The following EYS variants were observed in gnomAD, a reference collection of about 807,000 sequenced individuals.
EYS encodes the protein EGF-like photoreceptor maintenance factor.
In EYS, 250 loss-of-function variants were observed where a neutral mutation model predicts 282.1. The ratio of observed to expected loss-of-function variants is 0.89; its 90% confidence interval spans 0.80 to 0.98. The LOEUF (loss-of-function observed/expected upper bound fraction) is 0.98. Ranked by LOEUF, EYS falls within the 50% of genes least tolerant of loss-of-function variation. The pLI is 0.00. For missense variants in EYS, 4,016 were observed against 3,709.0 expected (o/e 1.08, Z -2.15); for synonymous variants, 1,355 against 1,282.9 (o/e 1.06, Z -1.20).
chr6:64,442,647 A>ATGTTCCAGC (rs1301366851), intron 26 of EYS, among the ~76,000 whole-genome samples: 3 of 152,072 alleles, frequency 2.0e-5, no homozygotes, highest in Non-Finnish European at 4.4e-5. Context: ...TTGATGTCCT[A>ATGTTCCAGC]TGTTCCAGCT....
intron 11 of EYS, among the ~76,000 whole-genome samples, chr6:65,312,350 T>G (rs1182839294): frequency 6.6e-6 from 1 of 151,942 alleles, no homozygotes; most frequent in African/African-American, 2.4e-5. Flanking sequence ...GCTCCCAAGG[T>G]TTCTGTCATC....
chr6:65,616,320 ACT>A (rs1434986098), intron 2 of EYS, among the ~76,000 whole-genome samples: 3 of 152,050 alleles, frequency 2.0e-5, no homozygotes, highest in African/African-American at 7.2e-5. Flanking sequence ...TTATTTGTTC[ACT>A]CTCTAGAAAT....
At chr6:64,387,981 A>G (rs567480494) in intron 29 of EYS, among the ~76,000 whole-genome samples, 18 of 152,120 alleles carry the variant, frequency 1.2e-4, no homozygotes, top group Admixed American at 2.0e-4. Flanking sequence ...TATATTTCCA[A>G]TAATATAAAA....
At chr6:65,420,041 A>T (rs1767395448) in intron 5 of EYS, among the ~76,000 whole-genome samples, 1 of 151,992 alleles carries the variant, frequency 6.6e-6, no homozygotes, top group African/African-American at 2.4e-5. Context: ...TTGCTGATGG[A>T]ATTCTTTCCT....
intron 15 of EYS, among the ~76,000 whole-genome samples, chr6:64,915,420 T>C (rs1465753853): frequency 6.6e-6 from 1 of 152,182 alleles, no homozygotes; most frequent in Admixed American, 6.5e-5. Flanking sequence ...AGGTCCTCAG[T>C]GTTGAAACAG....
intron 26 of EYS, among the ~76,000 whole-genome samples, chr6:64,544,459 G>C (rs759481238): frequency 1.6e-4 from 24 of 152,156 alleles, no homozygotes; most frequent in Non-Finnish European, 3.2e-4. Flanking sequence ...AGACTGGAGA[G>C]AGAAAGGAAA....
At position 64,230,802 on chromosome 6, in the gene EYS, G is replaced by C. The variant is rs1766405253; in HGVS notation, c.6214C>G (p.Pro2072Ala). The C allele has an allele frequency of 6.5e-7, 1 of 1,549,284 alleles. No homozygotes were observed. Among genetic ancestry groups the C allele is most frequent in the Non-Finnish European group, 8.7e-7 (1 of 1,145,150 alleles). Residue 2072 changes from proline (P) to alanine (A), a missense_variant, in exon 31 of 43, where the codon CCA (proline) becomes GCA (alanine). By Grantham distance (27) the Pro-to-Ala change is conservative (BLOSUM62 -1). Coordinates refer to ENST00000503581, the MANE Select transcript of EYS (RefSeq NM_001142800.2). ...GAAGCATCAACAAAGGAGGCTGTTG[G>C]AGACAGCATAAATCCCTGGGATCTG... is the stretch of plus-strand genomic sequence containing the variant. ...NCRSQGFMLSPTASFVDASDV... is the reference protein window; with the variant it reads ...NCRSQGFMLSATASFVDASDV...
chr6:65,214,033 C>T (rs1766245705), intron 12 of EYS, among the ~76,000 whole-genome samples: 1 of 151,594 alleles, frequency 6.6e-6, no homozygotes, highest in African/African-American at 2.4e-5. Flanking sequence ...GTGGCGGGTG[C>T]CTGTAGTCCC....
At chr6:64,441,140 A>G (rs1425515845) in intron 26 of EYS, among the ~76,000 whole-genome samples, 1 of 152,220 alleles carries the variant, frequency 6.6e-6, no homozygotes, top group Non-Finnish European at 1.5e-5. Context: ...AAGAAGGGAC[A>G]AGACTACGTT....
intron 12 of EYS, among the ~76,000 whole-genome samples, chr6:65,202,569 C>A (rs76548647): frequency 6.6e-6 from 1 of 151,982 alleles, no homozygotes; most frequent in Non-Finnish European, 1.5e-5. Flanking sequence ...ATGACATCTG[C>A]GGCCTGATCT....
At chr6:65,393,987 A>T (rs1766164326) in intron 7 of EYS, among the ~76,000 whole-genome samples, 1 of 152,178 alleles carries the variant, frequency 6.6e-6, no homozygotes, top group African/African-American at 2.4e-5. Context: ...CATAGTATTC[A>T]TATTTCTCTA....
chr6:65,465,150 G>A (rs1764956247), intron 5 of EYS, among the ~76,000 whole-genome samples: 1 of 152,112 alleles, frequency 6.6e-6, no homozygotes. Context: ...AGAACACCAA[G>A]AGAGAAATAA....
At chr6:64,890,849 A>G (rs1356823256) in intron 18 of EYS, among the ~76,000 whole-genome samples, 1 of 152,144 alleles carries the variant, frequency 6.6e-6, no homozygotes, top group Non-Finnish European at 1.5e-5. Flanking sequence ...TATGAATCAT[A>G]ATGATCCTTT....
chr6:65,442,354 T>A (rs1175361477), intron 5 of EYS, among the ~76,000 whole-genome samples: 3 of 152,096 alleles, frequency 2.0e-5, no homozygotes, highest in Non-Finnish European at 4.4e-5. Context: ...ATTTTGAATA[T>A]TCTTATGCAT....
At chr6:63,926,242 C>T (rs114546835) in intron 35 of EYS, among the ~76,000 whole-genome samples, 1 of 152,306 alleles carries the variant, frequency 6.6e-6, no homozygotes, top group South Asian at 2.1e-4. Context: ...AACTTTCAAT[C>T]ACTCCAGAAA....
At chr6:63,741,819 T>C (rs1769082316) in intron 41 of EYS, 2 of 648,616 alleles carry the variant, frequency 3.1e-6, no homozygotes, top group African/African-American at 3.6e-5. Flanking sequence ...TCCAATCCTT[T>C]TTCCACAGCT....
intron 22 of EYS, among the ~76,000 whole-genome samples, chr6:64,714,464 G>A (rs1771308841): frequency 6.6e-6 from 1 of 150,770 alleles, no homozygotes; most frequent in South Asian, 2.1e-4. Context: ...GTTGACTCGT[G>A]TGTAATATTA....
chr6:64,456,307 A>G (rs765869963), intron 26 of EYS, among the ~76,000 whole-genome samples: 7 of 152,104 alleles, frequency 4.6e-5, no homozygotes, highest in Non-Finnish European at 1.0e-4. Context: ...ACTTAGTTTT[A>G]ATATTAATTT....
intron 2 of EYS, among the ~76,000 whole-genome samples, chr6:65,517,397 A>G (rs962300851): frequency 2.4e-4 from 36 of 152,014 alleles, no homozygotes; most frequent in Middle Eastern, 3.4e-3. Flanking sequence ...ACTAAAATCA[A>G]TCTTCTTACT....
Sources: allele counts gnomAD v4.1 joint callset (sites outside exome capture counted in the v4.1 genomes callset), GRCh38; gene constraint gnomAD v4.1.1; transcripts MANE v1.5; gene names NCBI Gene and HGNC (gene_info 2026-07-23, HGNC 2026-07-21).